The following STX8 variants were observed in gnomAD, a reference collection of about 807,000 sequenced individuals.
The protein encoded by STX8 is syntaxin-8.
A neutral mutation model predicts 37.5 loss-of-function variants in STX8; 23 were observed. The ratio of observed to expected loss-of-function variants is 0.61; its 90% confidence interval spans 0.44 to 0.87. The LOEUF (loss-of-function observed/expected upper bound fraction) is 0.87. Ranked by LOEUF, STX8 falls within the 40% of genes least tolerant of loss-of-function variation. The probability of loss-of-function intolerance (pLI) is 0.00; values close to 1 mark genes in which losing one functional copy is unlikely to be tolerated. For missense variants in STX8, 313 were observed against 284.7 expected, an observed-to-expected ratio of 1.10 and a Z score of -0.71; for synonymous variants, 115 against 99.1, an observed-to-expected ratio of 1.16 and a Z score of -0.95.
At chr17:9,358,692 G>A (rs2142256025) in intron 7 of STX8, among the ~76,000 whole-genome samples, 1 of 152,286 alleles carries the variant, frequency 6.6e-6, no homozygotes, top group East Asian at 1.9e-4. Context: ...TAGGAATGCT[G>A]GCTGAAGGGT....
intron 4 of STX8, among the ~76,000 whole-genome samples, chr17:9,509,986 TATATC>T (rs1412295774): frequency 3.9e-5 from 6 of 152,148 alleles, no homozygotes; most frequent in Non-Finnish European, 8.8e-5. Context: ...TAGCTGTACT[TATATC>T]AGACAAAACA....
chr17:9,300,491 T>C (rs190906511), intron 7 of STX8, among the ~76,000 whole-genome samples: 126 of 152,292 alleles, frequency 8.3e-4, no homozygotes, highest in Middle Eastern at 3.4e-3. Flanking sequence ...TTTTGAACCT[T>C]AGAAATGTTT....
chr17:9,274,356 T>C (rs747586158), intron 7 of STX8, among the ~76,000 whole-genome samples: 4 of 152,100 alleles, frequency 2.6e-5, no homozygotes, highest in African/African-American at 4.8e-5. Flanking sequence ...ACGAGTGATA[T>C]AGACATTTGT....
chr17:9,441,707 C>A (rs536981869), intron 6 of STX8, among the ~76,000 whole-genome samples: 1 of 131,012 alleles, frequency 7.6e-6, no homozygotes, highest in Non-Finnish European at 1.6e-5. Flanking sequence ...GACGGAGTCT[C>A]GCTCTGTGCC....
chr17:9,351,047 C>T (rs1287322736), intron 7 of STX8, among the ~76,000 whole-genome samples: 1 of 151,994 alleles, frequency 6.6e-6, no homozygotes, highest in Admixed American at 6.6e-5. Context: ...TGAAAGATTT[C>T]AACCTGACAG....
At chr17:9,370,560 T>C (rs1911371681) in intron 7 of STX8, among the ~76,000 whole-genome samples, 2 of 152,166 alleles carry the variant, frequency 1.3e-5, no homozygotes, top group African/African-American at 2.4e-5. Flanking sequence ...TGGTCGTCGA[T>C]TGAGACAGCA....
chr17:9,329,615 AAAAGCTTCGGTGCCAAATG>A (rs1909895978), intron 7 of STX8, among the ~76,000 whole-genome samples: 1 of 152,264 alleles, frequency 6.6e-6, no homozygotes, highest in Non-Finnish European at 1.5e-5. Context: ...GCAGAGGCAG[AAAAGCTTCGGTGCCAAATG>A]GGGGAGGATG....
chr17:9,262,686 A>G (rs965554299), intron 7 of STX8, among the ~76,000 whole-genome samples: 2 of 151,876 alleles, frequency 1.3e-5, no homozygotes, highest in African/African-American at 4.8e-5. Context: ...GGTTCAAGCA[A>G]TTCTCCTGCC....
At chr17:9,475,918 C>T (rs780188951) in intron 6 of STX8, among the ~76,000 whole-genome samples, 5 of 152,226 alleles carry the variant, frequency 3.3e-5, no homozygotes, top group Non-Finnish European at 7.3e-5. Context: ...TGGTGGCTCA[C>T]GCCTGTCATC....
intron 6 of STX8, among the ~76,000 whole-genome samples, chr17:9,489,437 T>C (rs1906752384): frequency 6.6e-6 from 1 of 152,170 alleles, no homozygotes. Flanking sequence ...GATTGCCTTA[T>C]GCTGGACAAA....
chr17:9,554,268 A>T (rs1045734559), intron 3 of STX8: 1 of 152,468 alleles, frequency 6.6e-6, no homozygotes, highest in African/African-American at 2.4e-5. Context: ...TAAAACAAAC[A>T]AACAAACAAA....
At position 9,491,847 on chromosome 17, in the gene STX8, C is replaced by A. The variant is rs781595349; in HGVS notation, c.523G>T (p.Glu175Ter). ...TTCTTACCATTTTGTTCATCCAATT[C>A]ATTCCCAATTTCCTGCCCCATTTGT... The part of the protein sequence containing the change: ...QKQMGQEIGN[E>*]LDEQNEIIDD... Residue 175 changes from glutamate to a stop codon, truncating the protein, a stop_gained, in exon 6 of 8, where the codon GAA becomes TAA. Coordinates refer to ENST00000306357, the MANE Select transcript of STX8 (RefSeq NM_004853.3). LOFTEE classifies it high-confidence loss of function. The A allele has an allele frequency of 1.4e-5, 23 of 1,613,964 alleles. No homozygotes were observed. Among genetic ancestry groups the A allele is most frequent in the East Asian group, 6.7e-5 (3 of 44,866 alleles).
chr17:9,505,002 G>C, intron 5 of STX8, 36 bp downstream of exon 5: 1 of 714,586 alleles, frequency 1.4e-6, no homozygotes, highest in Non-Finnish European at 2.1e-6. Flanking sequence ...ATTCTGGCAA[G>C]GTTTCTGAGC....
chr17:9,345,354 T>C (rs1262875258), intron 7 of STX8, among the ~76,000 whole-genome samples: 1 of 152,040 alleles, frequency 6.6e-6, no homozygotes, highest in African/African-American at 2.4e-5. Flanking sequence ...TTCACCACAA[T>C]GGCCAGGCTG....
chr17:9,557,166 G>A (rs893645621), intron 3 of STX8: 17 of 336,094 alleles, frequency 5.1e-5, no homozygotes, highest in Non-Finnish European at 9.8e-5. Flanking sequence ...CGTAAATACC[G>A]CACTGACGGA....
Position 9,539,269 on chromosome 17 carries a change from A to T in STX8, c.323+5903T>A, listed in dbSNP as rs990020852. On this transcript the variant is annotated intron_variant, in intron 4 of 7. Coordinates refer to ENST00000306357, the MANE Select transcript of STX8 (RefSeq NM_004853.3). ...ATATGAGGAAGAAGAGAAAAGAGGG[A>T]AAAGAGGGATGGAAAGGCCCTCGGG... Among the ~76,000 whole-genome samples, 3 of 126,110 alleles carry T rather than the reference A, an allele frequency of 2.4e-5. No individual in the cohort carries two copies. The Admixed American group carries it at 2.4e-4, about 10-fold the overall frequency. 82.7% of individuals were successfully genotyped at this position (126,110 alleles called of 152,430 possible).
chr17:9,357,851 T>G (rs1353435917), intron 7 of STX8, among the ~76,000 whole-genome samples: 2 of 152,186 alleles, frequency 1.3e-5, no homozygotes, highest in Admixed American at 1.3e-4. Flanking sequence ...AAGTCATACA[T>G]CTCTAGAAGA....
chr17:9,439,548 T>TTTG (rs1555527556), intron 6 of STX8, among the ~76,000 whole-genome samples: 1 of 148,036 alleles, frequency 6.8e-6, no homozygotes. Flanking sequence ...TTTTTTTTTT[T>TTTG]GCGGTGGTGT....
chr17:9,560,904 C>T lies in STX8; in HGVS notation c.118-3376G>A, dbSNP rs569493046. 5.9e-5 allele frequency among the ~76,000 whole-genome samples: 9 copies of T among 152,226 alleles called. No individual in the cohort carries two copies. The South Asian group carries it at 1.5e-3, about 25-fold the overall frequency. ...AATAGCTGATGCTGGCAATCACCAA[C>T]AGCTTCAGTAGTGCAACATAACAAA... On this transcript the variant is annotated intron_variant, in intron 2 of 7. Transcript: ENST00000306357.
Sources: allele counts gnomAD v4.1 joint callset (sites outside exome capture counted in the v4.1 genomes callset), GRCh38; gene constraint gnomAD v4.1.1; transcripts MANE v1.5; gene names NCBI Gene and HGNC (gene_info 2026-07-23, HGNC 2026-07-21).